ARIH2: variants seen among roughly 807,000 people sequenced by gnomAD.
ARIH2 encodes the protein ariadne RBR E3 ubiquitin protein ligase 2.
A neutral mutation model predicts 79.8 loss-of-function variants in ARIH2; 12 were observed. The ratio of observed to expected loss-of-function variants is 0.15; its 90% CI spans 0.10 to 0.24. The LOEUF (loss-of-function observed/expected upper bound fraction) is 0.24. Among genes scored for constraint, ARIH2 ranks in the 10% least tolerant of loss-of-function variants. The pLI, the probability that ARIH2 is intolerant of heterozygous loss-of-function variation, is 1.00. For missense variants in ARIH2, 301 were observed against 618.3 expected (o/e 0.49, Z 5.44); for synonymous variants, 224 against 213.9 (o/e 1.05, Z -0.41).
chr3:48,976,169 C>T (rs941375818), intron 11 of ARIH2, among the ~76,000 whole-genome samples: 4 of 148,926 alleles, frequency 2.7e-5, no homozygotes, highest in Non-Finnish European at 5.9e-5. Flanking sequence ...ACCTTGGCCT[C>T]TTAAAGTGCT....
At chr3:48,943,146 A>C (rs565347065) in intron 3 of ARIH2, 1 of 151,904 alleles carries the variant, frequency 6.6e-6, no homozygotes, top group East Asian at 1.9e-4. Flanking sequence ...CTTTACTTCT[A>C]CTTTTTGTTT....
intron 3 of ARIH2, among the ~76,000 whole-genome samples, chr3:48,929,179 A>G (rs1213289094): frequency 6.6e-6 from 1 of 152,158 alleles, no homozygotes; most frequent in Non-Finnish European, 1.5e-5. Flanking sequence ...GTAGTGTGTA[A>G]CCATGCTCTG....
At chr3:48,963,004 G>T (rs1455447711) in intron 4 of ARIH2, among the ~76,000 whole-genome samples, 1 of 152,138 alleles carries the variant, frequency 6.6e-6, no homozygotes, top group East Asian at 1.9e-4. Flanking sequence ...AAGTAGCTGG[G>T]ATTACCAGCA....
chr3:48,927,385 A>G, intron 2 of ARIH2, 77 bp from the exon 3 acceptor site: 3 of 748,054 alleles, frequency 4.0e-6, no homozygotes, highest in Non-Finnish European at 2.1e-6. Flanking sequence ...GGACTGTCCC[A>G]TTTTGATTCT....
intron 1 of ARIH2, 26 bp downstream of exon 1, chr3:48,919,024 C>A: frequency 7.2e-7 from 1 of 1,387,596 alleles, no homozygotes; most frequent in African/African-American, 1.5e-5. Context: ...ACGTCACGGC[C>A]TTGTTTACCT....
chr3:48,981,820 G>A (rs1328252090), intron 14 of ARIH2, 92 bp downstream of exon 14: 3 of 1,074,086 alleles, frequency 2.8e-6, no homozygotes, highest in Non-Finnish European at 4.2e-6. Context: ...ACCAGACCTT[G>A]GTCATTGGGA....
At chr3:48,971,621 T>C (rs1316986403) in intron 8 of ARIH2, among the ~76,000 whole-genome samples, 1 of 152,200 alleles carries the variant, frequency 6.6e-6, no homozygotes, top group African/African-American at 2.4e-5. Flanking sequence ...TAGGCCCAGA[T>C]CTGTCCTAAT....
At chr3:48,919,449 G>A (rs887234804) in intron 1 of ARIH2, 5 of 283,920 alleles carry the variant, frequency 1.8e-5, no homozygotes, top group Non-Finnish European at 2.6e-5. Flanking sequence ...CGCCCCTAGG[G>A]ATGTGCGGCC....
At chr3:48,937,655 T>C (rs1448939373) in intron 3 of ARIH2, among the ~76,000 whole-genome samples, 1 of 152,140 alleles carries the variant, frequency 6.6e-6, no homozygotes, top group African/African-American at 2.4e-5. Flanking sequence ...AGTTGAAAAT[T>C]TGACTCCAAA....
At chr3:48,943,332 C>T (rs1342677392) in intron 3 of ARIH2, 2 of 152,236 alleles carry the variant, frequency 1.3e-5, no homozygotes, top group African/African-American at 4.8e-5. Flanking sequence ...CCTCGAGAGA[C>T]TGCTAAGCCC....
intron 3 of ARIH2, among the ~76,000 whole-genome samples, chr3:48,928,547 T>C (rs1031624349): frequency 1.3e-5 from 2 of 152,228 alleles, no homozygotes; most frequent in African/African-American, 4.8e-5. Flanking sequence ...TATTTCTCTT[T>C]AGTGTTTTCA....
At chr3:48,936,341 C>T (rs548729726) in intron 3 of ARIH2, among the ~76,000 whole-genome samples, 2 of 152,252 alleles carry the variant, frequency 1.3e-5, no homozygotes, top group Non-Finnish European at 2.9e-5. Flanking sequence ...AATGTATCTG[C>T]CCTCTAACTT....
chr3:48,982,517 T>C (rs1317422489), intron 14 of ARIH2, among the ~76,000 whole-genome samples: 1 of 152,190 alleles, frequency 6.6e-6, no homozygotes, highest in East Asian at 1.9e-4. Flanking sequence ...TTTTTAAGGC[T>C]CTTGATTTGC....
intron 1 of ARIH2, among the ~76,000 whole-genome samples, chr3:48,921,997 C>G (rs751307513): frequency 3.9e-5 from 6 of 152,120 alleles, no homozygotes; most frequent in African/African-American, 2.4e-5. Context: ...TGTTAGATTA[C>G]CACAGTGGAG....
intron 3 of ARIH2, among the ~76,000 whole-genome samples, chr3:48,955,007 G>C (rs2090415684): frequency 6.6e-6 from 1 of 152,192 alleles, no homozygotes; most frequent in Non-Finnish European, 1.5e-5. Flanking sequence ...AGACCAGCCT[G>C]GCCAACATGG....
intron 4 of ARIH2, among the ~76,000 whole-genome samples, chr3:48,962,537 T>A (rs1475835874): frequency 6.6e-6 from 1 of 152,162 alleles, no homozygotes; most frequent in African/African-American, 2.4e-5. Context: ...AAGGGGCACC[T>A]CCTCCTCTGC....
chr3:48,932,683 T>C (rs2086530816), intron 3 of ARIH2, among the ~76,000 whole-genome samples: 1 of 152,176 alleles, frequency 6.6e-6, no homozygotes, highest in Non-Finnish European at 1.5e-5. Context: ...TGGTTTGTGA[T>C]GGGTCAAGAG....
At chr3:48,979,420 G>A in intron 11 of ARIH2, 62 bp from the exon 12 acceptor site, 1 of 1,568,192 alleles carries the variant, frequency 6.4e-7, no homozygotes, top group Non-Finnish European at 8.7e-7. Flanking sequence ...TCACTCCTCT[G>A]CCTATGGAGG....
At chr3:48,927,994 T>C (rs1449368320) in intron 3 of ARIH2, 181 bp downstream of exon 3, 1 of 714,828 alleles carries the variant, frequency 1.4e-6, no homozygotes, top group African/African-American at 1.8e-5. Context: ...TATATGCATG[T>C]CTAAGGTCCT....
Sources: gnomAD v4.1 joint callset for allele counts (sites outside exome capture counted in the v4.1 genomes callset) on GRCh38, gnomAD v4.1.1 for gene constraint, MANE v1.5 for transcripts, NCBI Gene and HGNC (gene_info 2026-07-23, HGNC 2026-07-21) for gene names.